PPP1R9A: variants seen among roughly 807,000 people sequenced by gnomAD.
PPP1R9A encodes the protein neurabin-1.
In PPP1R9A, 59 loss-of-function variants were observed where a neutral mutation model predicts 141.9. That is an observed-to-expected ratio of 0.42 (90% confidence interval 0.34 to 0.52). The LOEUF (loss-of-function observed/expected upper bound fraction) is 0.52. PPP1R9A is among the 20% of genes least tolerant of loss of function. The probability of loss-of-function intolerance (pLI) is 0.10; values close to 1 mark genes in which losing one functional copy is unlikely to be tolerated. For missense variants in PPP1R9A, 1,444 were observed against 1,611.9 expected (o/e 0.90, Z 1.78); for synonymous variants, 500 against 569.7 (o/e 0.88, Z 1.74).
At chr7:95,124,158 T>G (rs879336236) in intron 4 of PPP1R9A, among the ~76,000 whole-genome samples, 1 of 152,188 alleles carries the variant, frequency 6.6e-6, no homozygotes, top group Non-Finnish European at 1.5e-5. Flanking sequence ...CCACTACTGG[T>G]GTGTTCATTT....
chr7:95,237,259 C>T (rs538083110), intron 8 of PPP1R9A, among the ~76,000 whole-genome samples: 3 of 149,676 alleles, frequency 2.0e-5, no homozygotes, highest in Admixed American at 6.7e-5. Flanking sequence ...GCAGTGGTGC[C>T]GTCTCAGTTC....
chr7:95,042,858 A>G (rs1809458940), intron 2 of PPP1R9A, among the ~76,000 whole-genome samples: 1 of 152,194 alleles, frequency 6.6e-6, no homozygotes, highest in African/African-American at 2.4e-5. Context: ...AACAGAGTTT[A>G]GCTGATGACT....
intron 16 of PPP1R9A, among the ~76,000 whole-genome samples, chr7:95,279,437 G>C (rs551202450): frequency 1.3e-5 from 2 of 152,310 alleles, no homozygotes; most frequent in Admixed American, 6.5e-5. Flanking sequence ...TTTTCATGGA[G>C]ACCTTTGAAT....
At chr7:95,211,224 A>G (rs1484792026) in intron 7 of PPP1R9A, among the ~76,000 whole-genome samples, 2 of 152,036 alleles carry the variant, frequency 1.3e-5, no homozygotes, top group Non-Finnish European at 2.9e-5. Context: ...TTGGCCTGAT[A>G]CTCTCAGTTT....
chr7:95,268,006 C>A (rs1308356358), intron 12 of PPP1R9A, among the ~76,000 whole-genome samples: 1 of 152,044 alleles, frequency 6.6e-6, no homozygotes, highest in East Asian at 1.9e-4. Flanking sequence ...CAAAAAGGAA[C>A]AAGGTAGATT....
At position 95,262,480 on chromosome 7, in the gene PPP1R9A, T is replaced by C. The variant is rs191128808; in HGVS notation, c.2666-6070T>C. On this transcript the variant is annotated intron_variant, in intron 12 of 19. Transcript: ENST00000433360. ...GAATCAAGCAACTCTTACAAGTGTT[T>C]CAAATGATATTTGATAGCAGTTAGG... 2.2e-3 allele frequency among the ~76,000 whole-genome samples: 328 copies of C among 152,350 alleles called. 3 individuals carry two copies. Among genetic ancestry groups the C allele is most frequent in the Non-Finnish European group, 2.8e-3 (193 of 68,034 alleles).
intron 2 of PPP1R9A, among the ~76,000 whole-genome samples, chr7:94,927,021 T>C (rs1215969244): frequency 1.3e-5 from 2 of 152,232 alleles, no homozygotes; most frequent in African/African-American, 4.8e-5. Flanking sequence ...AGCTGAAATA[T>C]GAAATAGCTT....
intron 4 of PPP1R9A, among the ~76,000 whole-genome samples, chr7:95,126,283 A>G (rs774916576): frequency 1.2e-4 from 19 of 152,150 alleles, no homozygotes; most frequent in Non-Finnish European, 2.2e-4. Context: ...CCTTCCCAGA[A>G]ACACTGTGTC....
At chr7:95,282,208 A>AT (rs1804390347) in intron 16 of PPP1R9A, among the ~76,000 whole-genome samples, 1 of 139,472 alleles carries the variant, frequency 7.2e-6, no homozygotes, top group Admixed American at 7.3e-5. Flanking sequence ...GCACACGCCT[A>AT]TAAGTCCTAG....
chr7:95,260,952 A>G (rs1353752815), intron 12 of PPP1R9A, among the ~76,000 whole-genome samples: 1 of 152,220 alleles, frequency 6.6e-6, no homozygotes, highest in Non-Finnish European at 1.5e-5. Flanking sequence ...CTGATTCACC[A>G]TGATATATAC....
In PPP1R9A at chr7:95,204,876, TCACACACCA is replaced by T. The variant is rs531471797; in HGVS notation, c.1956+1158_1956+1166del. ...ACCACACACACGACAAACACCACCC[TCACACACCA>T]CACACACCACAAATACATACACACC... On this transcript the variant is annotated intron_variant, in intron 7 of 19. Transcript: ENST00000433360. Among the ~76,000 whole-genome samples the T allele has an allele frequency of 5.2e-4, 63 of 120,606 alleles. 1 individual carries two copies. The South Asian group carries it at 7.5e-3, about 14-fold the overall frequency. The allele number at this position is 120,606 out of a possible 152,430, so 79.1% of individuals were successfully genotyped here. A position where few individuals can be genotyped will look rare whatever the true frequency, so the allele number is the denominator to read the frequency against.
chr7:94,998,376 T>A lies in PPP1R9A; in HGVS notation c.1395+86868T>A, dbSNP rs1247527007. 2.0e-5 allele frequency among the ~76,000 whole-genome samples: 3 copies of A among 152,354 alleles called. No homozygotes were observed. The East Asian group carries it at 5.8e-4, about 29-fold the overall frequency. On this transcript the variant is annotated intron_variant, in intron 2 of 19. Transcript: ENST00000433360. ...CATTTTACAGGAGGAAACTAACTTC[T>A]AGAAGGGTCAAATGTTTTGTCTTAA...
At chr7:95,286,508 GTTC>G (rs1805362387) in intron 18 of PPP1R9A, among the ~76,000 whole-genome samples, 183 bp downstream of exon 18, 1 of 152,128 alleles carries the variant, frequency 6.6e-6, no homozygotes. Context: ...GCAAAGTCTT[GTTC>G]TTAAGCTTTC....
At chr7:94,985,680 T>C (rs1169645534) in intron 2 of PPP1R9A, among the ~76,000 whole-genome samples, 1 of 152,172 alleles carries the variant, frequency 6.6e-6, no homozygotes, top group Non-Finnish European at 1.5e-5. Context: ...TCCATTTGCT[T>C]GGTACATCTT....
chr7:94,915,867 A>G (rs1204011149), intron 2 of PPP1R9A, among the ~76,000 whole-genome samples: 1 of 152,232 alleles, frequency 6.6e-6, no homozygotes, highest in African/African-American at 2.4e-5. Flanking sequence ...ACACTTAGGT[A>G]CAGCCGTAGC....
Position 94,910,155 on chromosome 7 carries a change from A to G in PPP1R9A, c.42A>G (p.Arg14=). The change falls in exon 2 of 20, where the codon AGA becomes AGG. Residue 14 remains arginine, a synonymous_variant. Transcript: ENST00000433360. This position sits in a 1 kb window ranked among gnomAD's most constrained non-coding sequence, Gnocchi z 4.5. The part of the protein sequence containing the change: ...TESSGERTTL[R]SASPHRNAYR... ...CTTCAGGTGAACGAACCACTCTCAG[A>G]AGTGCCTCTCCTCACAGGAATGCAT... 6.2e-7 allele frequency: 1 copy of G among 1,613,914 alleles called. No homozygotes were observed. The highest frequency in any genetic ancestry group is 8.5e-7 in the Non-Finnish European group (1 of 1,179,890).
chr7:94,926,633 CCTTTT>C (rs1181398587), intron 2 of PPP1R9A, among the ~76,000 whole-genome samples: 3 of 151,890 alleles, frequency 2.0e-5, no homozygotes, highest in Non-Finnish European at 4.4e-5. Context: ...TTTTTGTCTT[CCTTTT>C]ATTTCCTGAC....
At chr7:94,979,622 T>C (rs2151307814) in intron 2 of PPP1R9A, among the ~76,000 whole-genome samples, 1 of 152,330 alleles carries the variant, frequency 6.6e-6, no homozygotes, top group Middle Eastern at 3.4e-3. Flanking sequence ...GGTCACCCCA[T>C]GGAAGATCTC....
At chr7:95,142,717 A>G (rs1826929371) in intron 4 of PPP1R9A, among the ~76,000 whole-genome samples, 1 of 152,106 alleles carries the variant, frequency 6.6e-6, no homozygotes, top group South Asian at 2.1e-4. Flanking sequence ...AATGAGTGAT[A>G]TGCAGAATGA....
Sources: allele counts gnomAD v4.1 joint callset (sites outside exome capture counted in the v4.1 genomes callset), GRCh38; gene constraint gnomAD v4.1.1; non-coding constraint Gnocchi (gnomAD v3.1); transcripts MANE v1.5; gene names NCBI Gene and HGNC (gene_info 2026-07-23, HGNC 2026-07-21).